CANT1: variants seen among roughly 807,000 people sequenced by gnomAD.
The protein encoded by CANT1 is soluble calcium-activated nucleotidase 1.
Under a neutral mutation model 30.0 loss-of-function variants are expected in CANT1, and 26 were observed. The ratio of observed to expected loss-of-function variants is 0.87; its 90% CI spans 0.64 to 1.20. The LOEUF (loss-of-function observed/expected upper bound fraction) is 1.20, where lower values mean the gene tolerates loss of function less well. CANT1 is among the 50% of genes most tolerant of loss of function. CANT1 has a pLI of 0.00. For missense variants in CANT1, 518 were observed against 563.0 expected, an observed-to-expected ratio of 0.92 and a Z score of 0.81; for synonymous variants, 246 against 251.8, an observed-to-expected ratio of 0.98 and a Z score of 0.22.
In CANT1 at chr17:79,007,854, G is replaced by A. The variant is rs535494611; in HGVS notation, c.-147+1810C>T. 3.3e-5 allele frequency among the ~76,000 whole-genome samples: 5 copies of A among 152,336 alleles called. No individual in the cohort carries two copies. The East Asian group carries it at 7.7e-4, about 23-fold the overall frequency. ...AAGGAGACCTCTGGCAATCAGAAGC[G>A]TCAAGCCTCAGATGTGCCCCTCCAG... On this transcript the variant is annotated intron_variant, in intron 1 of 4. Coordinates refer to ENST00000392446, the MANE Select transcript of CANT1 (RefSeq NM_001159773.2).
chr17:79,006,414 C>T (rs1484349121), intron 1 of CANT1, among the ~76,000 whole-genome samples: 1 of 152,210 alleles, frequency 6.6e-6, no homozygotes, highest in African/African-American at 2.4e-5. Flanking sequence ...GATCAGCAAC[C>T]TTAATTCCCC....
At position 78,993,388 on chromosome 17, in the gene CANT1, G is replaced by A. The variant is rs1235763498; in HGVS notation, c.*162C>T. On this transcript the variant is annotated 3_prime_UTR_variant, in exon 5 of 5. Transcript: ENST00000392446. This position sits in a 1 kb window ranked among gnomAD's most constrained non-coding sequence, Gnocchi z 4.5. Reference sequence around the variant, plus strand: ...AGACCGCGGCCTCCGTGGGGCCCGGGGGTCCAGTGCCCGCACCACTATGGG... The same window carrying A: ...AGACCGCGGCCTCCGTGGGGCCCGGAGGTCCAGTGCCCGCACCACTATGGG... 6.9e-6 allele frequency: 7 copies of A among 1,009,414 alleles called. No homozygotes were observed. Among genetic ancestry groups the A allele is most frequent in the Non-Finnish European group, 8.8e-6 (6 of 680,560 alleles). 62.5% of individuals were successfully genotyped at this position (1,009,414 alleles called of 1,614,324 possible). A position where few individuals can be genotyped will look rare whatever the true frequency, so the allele number is the denominator to read the frequency against.
In CANT1 at chr17:78,995,022, C is replaced by A. The variant is rs370450411; in HGVS notation, c.831G>T (p.Pro277=). The A allele has an allele frequency of 1.5e-5, 24 of 1,568,048 alleles. No homozygotes were observed. Among genetic ancestry groups the A allele is most frequent in the South Asian group, 1.2e-5 (1 of 85,878 alleles). ...NALRAAAGIQ[P]PGYLIHESAC... is the part of the protein sequence containing the mutation. ...GCTGGGGCAGGCGTCTCTTACCTGG[C>A]GGCTGGATGCCGGCAGCAGCCCGCA... Residue 277 remains proline (P), a synonymous_variant, in exon 4 of 5, where the codon CCG becomes CCT. Coordinates refer to ENST00000392446, the MANE Select transcript of CANT1 (RefSeq NM_001159773.2). The surrounding 1 kb of genome is among the most constrained non-coding windows in gnomAD (Gnocchi z 5.7).
chr17:78,992,733 C>T lies in CANT1; in HGVS notation c.*817G>A. On this transcript the variant is annotated 3_prime_UTR_variant, in exon 5 of 5. Coordinates refer to ENST00000392446, the MANE Select transcript of CANT1 (RefSeq NM_001159773.2). ...CATGTGAGACTTGCTTCACCAGCCG[C>T]CACCGCTTCCTTACAATCTCCCGCA... 1 of 596,638 alleles carries T rather than the reference C, an allele frequency of 1.7e-6. No individual in the cohort carries two copies. The highest frequency in any genetic ancestry group is 1.4e-5 in the South Asian group (1 of 71,856). 37.0% of individuals were successfully genotyped at this position (596,638 alleles called of 1,614,324 possible). A position where few individuals can be genotyped will look rare whatever the true frequency, so the allele number is the denominator to read the frequency against.
In CANT1 at chr17:78,996,483, G is replaced by C. The variant is rs568488966; in HGVS notation, c.631+509C>G. 6.6e-6 allele frequency among the ~76,000 whole-genome samples: 1 copy of C among 152,274 alleles called. No homozygotes were observed. Among genetic ancestry groups the C allele is most frequent in the African/African-American group, 2.4e-5 (1 of 41,560 alleles). ...CTGGCATCAGGCTCCACTCCAGGGGGGTTGGCACAGCTCACACATGCCCTC... is the reference window on the plus strand; with the variant it reads ...CTGGCATCAGGCTCCACTCCAGGGGCGTTGGCACAGCTCACACATGCCCTC... On this transcript the variant is annotated intron_variant, in intron 3 of 4. Transcript: ENST00000392446. This position sits in a 1 kb window ranked among gnomAD's most constrained non-coding sequence, Gnocchi z 5.1.
At chr17:79,001,017 C>T (rs572584817) in intron 1 of CANT1, among the ~76,000 whole-genome samples, 22 of 152,256 alleles carry the variant, frequency 1.4e-4, no homozygotes, top group South Asian at 2.1e-4. Context: ...TGCACTCTAC[C>T]GGGGGCCCCA....
chr17:78,996,794 C>CA lies in CANT1; in HGVS notation c.631+197dup. 2.6e-6 allele frequency: 2 copies of CA among 770,952 alleles called. No individual in the cohort carries two copies. 47.8% of individuals were successfully genotyped at this position (770,952 alleles called of 1,614,324 possible). On this transcript the variant is annotated intron_variant, in intron 3 of 4. Coordinates refer to ENST00000392446, the MANE Select transcript of CANT1 (RefSeq NM_001159773.2). This position sits in a 1 kb window ranked among gnomAD's most constrained non-coding sequence, Gnocchi z 5.1. ...TAAGCTCTTCCTCCTAGAAACTGCT[C>CA]AGTGTGAAGTGACAGTAGGCTATGC...
intron 1 of CANT1, among the ~76,000 whole-genome samples, chr17:79,007,567 T>C (rs904517209): frequency 3.9e-5 from 6 of 152,084 alleles, no homozygotes; most frequent in Admixed American, 6.6e-5. Context: ...ACGGGCCATA[T>C]GTACTTGGGG....
In CANT1 at chr17:78,996,809, GTAGGC is replaced by G; in HGVS notation, c.631+178_631+182del. The stretch of plus-strand genomic sequence containing the variant: ...AGAAACTGCTCAGTGTGAAGTGACA[GTAGGC>G]TATGCTCCTGGCTAAGGGTAAGGGG... On this transcript the variant is annotated intron_variant, in intron 3 of 4. Transcript: ENST00000392446. The surrounding 1 kb of genome is among the most constrained non-coding windows in gnomAD (Gnocchi z 5.1). The G allele has an allele frequency of 1.2e-6, 1 of 825,612 alleles. No homozygotes were observed. The highest frequency in any genetic ancestry group is 2.1e-6 in the Non-Finnish European group (1 of 479,766). 51.1% of individuals were successfully genotyped at this position (825,612 alleles called of 1,614,324 possible).
chr17:78,998,769 G>A lies in CANT1; in HGVS notation c.-146-806C>T, dbSNP rs1408159576. On this transcript the variant is annotated intron_variant, in intron 1 of 4. Transcript: ENST00000392446. This position sits in a 1 kb window ranked among gnomAD's most constrained non-coding sequence, Gnocchi z 4.5. The stretch of plus-strand genomic sequence containing the variant: ...AGACAGCTCCCGGTGCTTCGATCGA[G>A]AACACTGGCCCTGGGCAGAGGTTCC... 6.6e-6 allele frequency among the ~76,000 whole-genome samples: 1 copy of A among 152,264 alleles called. No individual in the cohort carries two copies. Among genetic ancestry groups the A allele is most frequent in the Admixed American group, 6.5e-5 (1 of 15,292 alleles).
At chr17:79,007,270 A>C (rs904758036) in intron 1 of CANT1, among the ~76,000 whole-genome samples, 21 of 152,196 alleles carry the variant, frequency 1.4e-4, no homozygotes, top group African/African-American at 5.1e-4. Flanking sequence ...TTAATATAAA[A>C]GTTTCTAATT....
At position 78,992,822 on chromosome 17, in the gene CANT1, T is replaced by A; in HGVS notation, c.*728A>T. 2.4e-6 allele frequency: 1 copy of A among 408,940 alleles called. No homozygotes were observed. Among genetic ancestry groups the A allele is most frequent in the Admixed American group, 3.4e-5 (1 of 29,256 alleles). The allele number at this position is 408,940 out of a possible 1,614,324, so 25.3% of individuals were successfully genotyped here. On this transcript the variant is annotated 3_prime_UTR_variant, in exon 5 of 5. Transcript: ENST00000392446. Reference sequence around the variant, plus strand: ...GTGTGATAAGATTTGGTGATTCCACTTTATAAGAAAGGAAACTGCTTTAAT... The same window carrying A: ...GTGTGATAAGATTTGGTGATTCCACATTATAAGAAAGGAAACTGCTTTAAT...
intron 1 of CANT1, among the ~76,000 whole-genome samples, chr17:79,003,446 T>G (rs1244007404): frequency 1.8e-5 from 2 of 109,342 alleles, no homozygotes; most frequent in Non-Finnish European, 3.4e-5. Context: ...GGGTTCTTTT[T>G]CGGGGGTGGG....
Position 78,998,011 on chromosome 17 carries a change from G to T in CANT1, c.-146-48C>A, listed in dbSNP as rs112809083. ...GTCAGGTGGGAGGGGAAGGCTGACG[G>T]GGTGAAGTGGGATAGGATCATAGAC... On this transcript the variant is annotated intron_variant, in intron 1 of 4. Transcript: ENST00000392446. This position sits in a 1 kb window ranked among gnomAD's most constrained non-coding sequence, Gnocchi z 4.5. 60 of 259,640 alleles carry T rather than the reference G, an allele frequency of 2.3e-4. No homozygotes were observed. Among genetic ancestry groups the T allele is most frequent in the African/African-American group, 1.3e-3 (58 of 45,924 alleles). The allele number at this position is 259,640 out of a possible 1,614,324, so 16.1% of individuals were successfully genotyped here.
rs962596813 is a variant in CANT1, at chr17:78,992,573, C to T, written c.*977G>A. ...GAAACCCCAGGGAAGAGACAGGCCT[C>T]GTTCACAGACCCTAGGCAGGGAATA... On this transcript the variant is annotated 3_prime_UTR_variant, in exon 5 of 5. Transcript: ENST00000392446. 2.9e-5 allele frequency: 12 copies of T among 417,242 alleles called. No individual in the cohort carries two copies. Among genetic ancestry groups the T allele is most frequent in the Admixed American group, 3.2e-5 (1 of 30,818 alleles). The allele number at this position is 417,242 out of a possible 1,614,324, so 25.8% of individuals were successfully genotyped here. A position where few individuals can be genotyped will look rare whatever the true frequency, so the allele number is the denominator to read the frequency against.
Position 79,008,730 on chromosome 17 carries a change from G to A in CANT1, c.-147+934C>T, listed in dbSNP as rs1433243968. Among the ~76,000 whole-genome samples, 1 of 152,196 alleles carries A rather than the reference G, an allele frequency of 6.6e-6. No individual in the cohort carries two copies. The highest frequency in any genetic ancestry group is 2.4e-5 in the African/African-American group (1 of 41,452). On this transcript the variant is annotated intron_variant, in intron 1 of 4. Transcript: ENST00000392446. The surrounding 1 kb of genome is among the most constrained non-coding windows in gnomAD (Gnocchi z 4.4). The stretch of plus-strand genomic sequence containing the variant: ...AAGACCATTCGGAGGGAGAAGCAAA[G>A]GCACCAGGCAACATGGACTGGCAAG...
rs1056259991 is a variant in CANT1, at chr17:78,994,965, C to G, written c.835+53G>C. The G allele has an allele frequency of 4.6e-6, 7 of 1,526,364 alleles. No homozygotes were observed. The Admixed American group carries it at 1.4e-4, about 30-fold the overall frequency. The allele number at this position is 1,526,364 out of a possible 1,614,324, so 94.6% of individuals were successfully genotyped here. The stretch of plus-strand genomic sequence containing the variant: ...GGCAAATGCAGGAGGAAGCAGGTTC[C>G]CAGCGACTGGGCTGTGGAAGCCACA... On this transcript the variant is annotated intron_variant, in intron 4 of 4. Coordinates refer to ENST00000392446, the MANE Select transcript of CANT1 (RefSeq NM_001159773.2).
intron 1 of CANT1, among the ~76,000 whole-genome samples, chr17:79,007,545 G>A (rs766840886): frequency 6.6e-6 from 1 of 152,108 alleles, no homozygotes; most frequent in Non-Finnish European, 1.5e-5. Flanking sequence ...AGAAAGTACC[G>A]AGACTCCGAG....
intron 1 of CANT1, among the ~76,000 whole-genome samples, chr17:79,009,249 A>AG (rs1209968596): frequency 7.5e-6 from 1 of 133,192 alleles, no homozygotes; most frequent in African/African-American, 3.0e-5. Context: ...ACTAATTAGA[A>AG]GGGGGGTGTC....
Sources: allele counts gnomAD v4.1 joint callset (sites outside exome capture counted in the v4.1 genomes callset), GRCh38; gene constraint gnomAD v4.1.1; non-coding constraint Gnocchi (gnomAD v3.1); transcripts MANE v1.5; gene names NCBI Gene and HGNC (gene_info 2026-07-23, HGNC 2026-07-21).